CERT1: variants seen among roughly 807,000 people sequenced by gnomAD.
The protein encoded by CERT1 is ceramide transfer protein.
CERT1 carries 31 observed loss-of-function variants against 87.9 expected under a neutral mutation model. The ratio of observed to expected loss-of-function variants is 0.35; its 90% confidence interval spans 0.27 to 0.48. CERT1 has a LOEUF of 0.48. Among genes scored for constraint, CERT1 ranks in the 20% least tolerant of loss-of-function variants. The pLI is 0.99. For synonymous variants in CERT1, 289 were observed against 250.9 expected (o/e 1.15, Z -1.44); for missense variants, 487 against 758.0 (o/e 0.64, Z 4.20).
chr5:75,427,223 T>G (rs1763654481), intron 3 of CERT1, among the ~76,000 whole-genome samples: 1 of 152,206 alleles, frequency 6.6e-6, no homozygotes, highest in South Asian at 2.1e-4. Flanking sequence ...ACAAAGAAAT[T>G]AAAACATTTG....
intron 2 of CERT1, among the ~76,000 whole-genome samples, chr5:75,482,922 C>A (rs1390560186): frequency 4.6e-5 from 7 of 151,342 alleles, no homozygotes; most frequent in African/African-American, 7.3e-5. Flanking sequence ...AGAATGGGTA[C>A]AAAGAAGCCC....
chr5:75,406,164 T>TC (rs1270825684), intron 8 of CERT1, among the ~76,000 whole-genome samples: 3 of 152,268 alleles, frequency 2.0e-5, no homozygotes, highest in African/African-American at 7.2e-5. Flanking sequence ...TGTTGATCTT[T>TC]CCAGTCAGTC....
At chr5:75,388,446 T>C (rs536699567) in intron 12 of CERT1, among the ~76,000 whole-genome samples, 2 of 151,906 alleles carry the variant, frequency 1.3e-5, no homozygotes, top group South Asian at 4.2e-4. Context: ...CAACTTTCTT[T>C]TTAATTCCAG....
intron 11 of CERT1, among the ~76,000 whole-genome samples, chr5:75,393,601 T>A (rs1278316065): frequency 2.2e-4 from 1 of 4,616 alleles, no homozygotes; most frequent in Non-Finnish European, 3.4e-4. Context: ...CCTCATCTAC[T>A]TAAAAAAAAA....
intron 2 of CERT1, among the ~76,000 whole-genome samples, chr5:75,473,673 A>G (rs567590967): frequency 6.6e-6 from 1 of 152,182 alleles, no homozygotes; most frequent in African/African-American, 2.4e-5. Flanking sequence ...CAACGTGGTG[A>G]CTATAGTTAA....
chr5:75,502,987 C>T (rs1202696464), intron 2 of CERT1, among the ~76,000 whole-genome samples: 2 of 152,018 alleles, frequency 1.3e-5, no homozygotes, highest in African/African-American at 4.8e-5. Context: ...TAAGGGAATA[C>T]TATTTTTCCT....
At chr5:75,454,922 T>G (rs767242613) in intron 3 of CERT1, among the ~76,000 whole-genome samples, 4 of 152,136 alleles carry the variant, frequency 2.6e-5, no homozygotes, top group Non-Finnish European at 4.4e-5. Context: ...AAAAGTGGAT[T>G]TTATACAGCA....
chr5:75,440,832 GC>G (rs1239001892), intron 3 of CERT1, among the ~76,000 whole-genome samples: 1 of 152,014 alleles, frequency 6.6e-6, no homozygotes, highest in Non-Finnish European at 1.5e-5. Context: ...CATAACAGCT[GC>G]CCCCATTCTC....
intron 3 of CERT1, among the ~76,000 whole-genome samples, chr5:75,428,890 G>A (rs572400607): frequency 9.1e-4 from 138 of 151,964 alleles, no homozygotes; most frequent in African/African-American, 2.9e-3. Flanking sequence ...ATCTCTTCAA[G>A]GTAGATTGGC....
intron 2 of CERT1, among the ~76,000 whole-genome samples, chr5:75,470,135 T>C (rs964581784): frequency 1.3e-5 from 2 of 152,110 alleles, no homozygotes; most frequent in African/African-American, 2.4e-5. Flanking sequence ...CTTTCAGCAA[T>C]GGACAGATCA....
At chr5:75,413,319 A>G (rs536068725) in intron 7 of CERT1, among the ~76,000 whole-genome samples, 1 of 152,352 alleles carries the variant, frequency 6.6e-6, no homozygotes, top group South Asian at 2.1e-4. Context: ...AACTCACACA[A>G]AGCAAACTAC....
Position 75,485,312 on chromosome 5 carries a change from C to CAAAAAAAAAAAAAAAAAAAAAAAAAAA in CERT1, c.231+20669_231+20670insTTTTTTTTTTTTTTTTTTTTTTTTTTT, listed in dbSNP as rs757349878. On this transcript the variant is annotated intron_variant, in intron 2 of 16. Transcript: ENST00000643780. Reference sequence around the variant, plus strand: ...CCAAGACACTGTCTACACAAAAATACAAAAAAAAAAAAAAAAAAAAAAAAA... The same window carrying CAAAAAAAAAAAAAAAAAAAAAAAAAAA: ...CCAAGACACTGTCTACACAAAAATACAAAAAAAAAAAAAAAAAAAAAAAAAAAAAAAAAAAAAAAAAAAAAAAAAAAA... Among the ~76,000 whole-genome samples the CAAAAAAAAAAAAAAAAAAAAAAAAAAA allele has an allele frequency of 1.3e-3, 60 of 46,440 alleles. 1 individual carries two copies. Among genetic ancestry groups the CAAAAAAAAAAAAAAAAAAAAAAAAAAA allele is most frequent in the African/African-American group, 1.8e-3 (20 of 11,054 alleles). 30.5% of individuals were successfully genotyped at this position (46,440 alleles called of 152,430 possible). A position where few individuals can be genotyped will look rare whatever the true frequency, so the allele number is the denominator to read the frequency against.
At chr5:75,467,395 A>G (rs1375482344) in intron 2 of CERT1, among the ~76,000 whole-genome samples, 1 of 152,146 alleles carries the variant, frequency 6.6e-6, no homozygotes, top group Non-Finnish European at 1.5e-5. Context: ...TAATCCTAGC[A>G]CTTTGGGAGG....
chr5:75,456,718 C>G (rs1765001965), intron 3 of CERT1, among the ~76,000 whole-genome samples: 1 of 151,154 alleles, frequency 6.6e-6, no homozygotes, highest in Non-Finnish European at 1.5e-5. Context: ...GCATCACAAC[C>G]CTGCAGTTGA....
At chr5:75,460,044 T>A (rs1167744358) in intron 2 of CERT1, among the ~76,000 whole-genome samples, 1 of 141,670 alleles carries the variant, frequency 7.1e-6, no homozygotes, top group East Asian at 2.4e-4. Context: ...CCTTAAACAA[T>A]CCTCCCACCT....
At chr5:75,394,678 C>G (rs1173486050) in intron 11 of CERT1, among the ~76,000 whole-genome samples, 1 of 152,002 alleles carries the variant, frequency 6.6e-6, no homozygotes, top group Non-Finnish European at 1.5e-5. Flanking sequence ...GAGTGGTGAT[C>G]TCACCACTGC....
chr5:75,431,744 T>G (rs1206706330), intron 3 of CERT1, among the ~76,000 whole-genome samples: 2 of 152,210 alleles, frequency 1.3e-5, no homozygotes, highest in Admixed American at 1.3e-4. Context: ...AAGGACATGA[T>G]CTCACTCCTT....
intron 2 of CERT1, among the ~76,000 whole-genome samples, chr5:75,501,154 G>A (rs965789354): frequency 6.6e-6 from 1 of 151,874 alleles, no homozygotes; most frequent in Non-Finnish European, 1.5e-5. Flanking sequence ...GCTGATTTGT[G>A]TATTTTTTTG....
At chr5:75,506,595 A>G (rs554966917) in intron 1 of CERT1, among the ~76,000 whole-genome samples, 5 of 152,342 alleles carry the variant, frequency 3.3e-5, no homozygotes, top group African/African-American at 1.2e-4. Context: ...AATTATTGCT[A>G]AACTCTACTT....
Sources: allele counts gnomAD v4.1 joint callset (sites outside exome capture counted in the v4.1 genomes callset), GRCh38; gene constraint gnomAD v4.1.1; transcripts MANE v1.5; gene names NCBI Gene and HGNC (gene_info 2026-07-23, HGNC 2026-07-21).